FBXL20: variants seen among roughly 807,000 people sequenced by gnomAD.
The protein encoded by FBXL20 is F-box/LRR-repeat protein 20.
In FBXL20, 11 loss-of-function variants were observed where a neutral mutation model predicts 64.0. That is an observed-to-expected ratio of 0.17 (90% CI 0.11 to 0.28). The LOEUF (loss-of-function observed/expected upper bound fraction) is 0.28. Ranked by LOEUF, FBXL20 falls within the 10% of genes least tolerant of loss-of-function variation. FBXL20 has a pLI of 1.00. For synonymous variants in FBXL20, 184 were observed against 189.0 expected (o/e 0.97, Z 0.22); for missense variants, 303 against 526.2 (o/e 0.58, Z 4.15).
intron 1 of FBXL20, among the ~76,000 whole-genome samples, chr17:39,372,872 G>C (rs75103177): frequency 2.0e-5 from 3 of 151,990 alleles, no homozygotes; most frequent in Non-Finnish European, 4.4e-5. Context: ...TGATCCACCC[G>C]CCTCAGCCTC....
At chr17:39,317,160 A>T (rs2047300781) in intron 2 of FBXL20, among the ~76,000 whole-genome samples, 1 of 152,220 alleles carries the variant, frequency 6.6e-6, no homozygotes, top group Non-Finnish European at 1.5e-5. Flanking sequence ...AAAAAAATTG[A>T]TTCTGAAGTT....
intron 1 of FBXL20, among the ~76,000 whole-genome samples, chr17:39,394,493 G>A (rs2048164285): frequency 6.6e-6 from 1 of 151,296 alleles, no homozygotes; most frequent in Non-Finnish European, 1.5e-5. Flanking sequence ...TAGCCAGGAT[G>A]GTCTCGATCT....
At chr17:39,356,333 A>C (rs990859866) in intron 1 of FBXL20, among the ~76,000 whole-genome samples, 1 of 151,834 alleles carries the variant, frequency 6.6e-6, no homozygotes, top group Non-Finnish European at 1.5e-5. Flanking sequence ...ATCTGTCTGC[A>C]TGCAGATATA....
intron 2 of FBXL20, among the ~76,000 whole-genome samples, chr17:39,328,583 CAAAT>C (rs1217789607): frequency 6.6e-6 from 1 of 152,120 alleles, no homozygotes; most frequent in East Asian, 1.9e-4. Context: ...TAAACACAAA[CAAAT>C]AACAAAATGG....
At chr17:39,300,170 G>A in intron 4 of FBXL20, among the ~76,000 whole-genome samples, 1 of 152,140 alleles carries the variant, frequency 6.6e-6, no homozygotes, top group East Asian at 1.9e-4. Context: ...CATCCATGAA[G>A]GGTATAGAAT....
At chr17:39,334,597 A>G (rs1167705274) in intron 2 of FBXL20, among the ~76,000 whole-genome samples, 1 of 152,212 alleles carries the variant, frequency 6.6e-6, no homozygotes, top group Non-Finnish European at 1.5e-5. Flanking sequence ...TTATGACCCA[A>G]CACCAGAAGA....
chr17:39,276,739 T>C (rs2046899700), intron 9 of FBXL20, among the ~76,000 whole-genome samples: 1 of 152,138 alleles, frequency 6.6e-6, no homozygotes, highest in Non-Finnish European at 1.5e-5. Flanking sequence ...TATCTGGTTG[T>C]TTTCTAACCA....
At chr17:39,308,437 G>C (rs76144645) in intron 2 of FBXL20, among the ~76,000 whole-genome samples, 4,637 of 152,000 alleles carry the variant, frequency 0.031, 102 homozygotes, top group Non-Finnish European at 0.044. Flanking sequence ...AGTGGCTGTA[G>C]GGAACTGTGA....
chr17:39,272,564 T>C (rs2046853850), intron 10 of FBXL20, among the ~76,000 whole-genome samples: 1 of 151,120 alleles, frequency 6.6e-6, no homozygotes, highest in Non-Finnish European at 1.5e-5. Context: ...TGGCCAGGCA[T>C]GGTAGCGTAT....
At chr17:39,390,575 A>G (rs1440094288) in intron 1 of FBXL20, among the ~76,000 whole-genome samples, 2 of 151,756 alleles carry the variant, frequency 1.3e-5, no homozygotes, top group Non-Finnish European at 2.9e-5. Flanking sequence ...AAAAAAAAAA[A>G]AAATAGCCAG....
At chr17:39,372,926 GT>G (rs2047932504) in intron 1 of FBXL20, among the ~76,000 whole-genome samples, 1 of 151,962 alleles carries the variant, frequency 6.6e-6, no homozygotes, top group Non-Finnish European at 1.5e-5. Flanking sequence ...CGCCCAGCCT[GT>G]TTAATAACTC....
Position 39,274,695 on chromosome 17 carries a change from CCTTT to C in FBXL20, c.827+271_827+274del, listed in dbSNP as rs549164641. On this transcript the variant is annotated intron_variant, in intron 10 of 14. Transcript: ENST00000264658. ...ACAAAAGCATTAATAAGAGAAAATA[CCTTT>C]CTTTCTATCTCAAGTAATAAAATGT... Among the ~76,000 whole-genome samples the C allele has an allele frequency of 1.4e-4, 22 of 152,192 alleles. No individual in the cohort carries two copies. In the East Asian group the frequency reaches 4.1e-3, roughly 28 times the overall value.
Position 39,254,589 on chromosome 17 carries a change from T to C in FBXL20, c.*6871A>G, listed in dbSNP as rs566097318. The C allele has an allele frequency of 9.7e-5, 15 of 154,536 alleles. No individual in the cohort carries two copies. The highest frequency in any genetic ancestry group is 3.6e-4 in the African/African-American group (15 of 41,604). The allele number at this position is 154,536 out of a possible 1,614,324, so 9.6% of individuals were successfully genotyped here. A position where few individuals can be genotyped will look rare whatever the true frequency, so the allele number is the denominator to read the frequency against. ...TGGTGCCAAAACCTATCTGTTTGAC[T>C]GGTTAAGTGTGTAGAAAGTAGGAGC... On this transcript the variant is annotated 3_prime_UTR_variant, in exon 15 of 15. Coordinates refer to ENST00000264658, the MANE Select transcript of FBXL20 (RefSeq NM_032875.3).
At chr17:39,328,023 G>A (rs373725200) in intron 2 of FBXL20, among the ~76,000 whole-genome samples, 4 of 152,120 alleles carry the variant, frequency 2.6e-5, no homozygotes, top group East Asian at 3.9e-4. Context: ...CAAGGCAGGC[G>A]CATCACATGA....
intron 1 of FBXL20, among the ~76,000 whole-genome samples, chr17:39,353,840 C>A (rs1411107925): frequency 1.3e-5 from 2 of 152,036 alleles, no homozygotes; most frequent in African/African-American, 4.8e-5. Context: ...CCAGGATGGT[C>A]TCGACCTCTT....
chr17:39,362,759 G>A (rs909134393), intron 1 of FBXL20, among the ~76,000 whole-genome samples: 7 of 151,966 alleles, frequency 4.6e-5, no homozygotes, highest in African/African-American at 1.7e-4. Context: ...TGGGATTACA[G>A]GCATGCGCCA....
intron 2 of FBXL20, among the ~76,000 whole-genome samples, chr17:39,342,223 G>T (rs1567888467): frequency 6.6e-6 from 1 of 151,920 alleles, no homozygotes; most frequent in Admixed American, 6.6e-5. Flanking sequence ...ACACAGTAGG[G>T]CCAGTTACCA....
chr17:39,392,267 C>T (rs1248818371), intron 1 of FBXL20, among the ~76,000 whole-genome samples: 5 of 151,720 alleles, frequency 3.3e-5, no homozygotes, highest in African/African-American at 1.2e-4. Flanking sequence ...TGGTGAAACC[C>T]CATATCTACT....
intron 2 of FBXL20, among the ~76,000 whole-genome samples, chr17:39,320,877 G>A (rs144327657): frequency 5.3e-5 from 8 of 152,040 alleles, no homozygotes; most frequent in East Asian, 3.9e-4. Flanking sequence ...ACTACAAGCC[G>A]TGCTCGGCCC....
Sources: gnomAD v4.1 joint callset for allele counts (sites outside exome capture counted in the v4.1 genomes callset) on GRCh38, gnomAD v4.1.1 for gene constraint, MANE v1.5 for transcripts, NCBI Gene and HGNC (gene_info 2026-07-23, HGNC 2026-07-21) for gene names.